PLCB4: variants seen among roughly 807,000 people sequenced by gnomAD.
PLCB4 encodes 1-phosphatidylinositol 4,5-bisphosphate phosphodiesterase beta-4.
In PLCB4, 77 loss-of-function variants were observed where a neutral mutation model predicts 178.8. The ratio of observed to expected loss-of-function variants is 0.43; its 90% CI spans 0.36 to 0.52. The LOEUF (loss-of-function observed/expected upper bound fraction) is 0.52, where lower values mean the gene tolerates loss of function less well. Among genes scored for constraint, PLCB4 ranks in the 20% least tolerant of loss-of-function variants. The probability of loss-of-function intolerance (pLI) is 0.00; values close to 1 mark genes in which losing one functional copy is unlikely to be tolerated. For missense variants in PLCB4, 1,024 were observed against 1,453.4 expected, an observed-to-expected ratio of 0.70 and a Z score of 4.80; for synonymous variants, 496 against 490.8, an observed-to-expected ratio of 1.01 and a Z score of -0.14.
chr20:9,267,950 G>T (rs2094365541), intron 3 of PLCB4, among the ~76,000 whole-genome samples: 1 of 152,160 alleles, frequency 6.6e-6, no homozygotes, highest in Admixed American at 6.5e-5. Context: ...CAAGGAGGCT[G>T]AGTGTGCTAA....
intron 28 of PLCB4, among the ~76,000 whole-genome samples, chr20:9,424,185 A>G (rs562643444): frequency 6.6e-6 from 1 of 152,356 alleles, no homozygotes; most frequent in South Asian, 2.1e-4. Flanking sequence ...ATTTTAAAAT[A>G]CTATAATTTT....
chr20:9,444,929 A>G lies in PLCB4; in HGVS notation c.2880+686A>G, dbSNP rs184154364. Among the ~76,000 whole-genome samples the G allele has an allele frequency of 5.1e-4, 77 of 152,322 alleles. No homozygotes were observed. In the East Asian group the frequency reaches 0.011, roughly 23 times the overall value. ...CTAGCAATCTGTCAACCTCCCACTC[A>G]CAGCACCTAGAGAGAGAACACTTGT... On this transcript the variant is annotated intron_variant, in intron 32 of 39. Coordinates refer to ENST00000378473, the MANE Select transcript of PLCB4 (RefSeq NM_001377142.1).
chr20:9,255,039 C>T (rs141847698), intron 3 of PLCB4, among the ~76,000 whole-genome samples: 1 of 152,244 alleles, frequency 6.6e-6, no homozygotes, highest in East Asian at 1.9e-4. Context: ...ATAATAAATA[C>T]ACATATCTAG....
At chr20:9,254,710 T>TA (rs960036845) in intron 3 of PLCB4, among the ~76,000 whole-genome samples, 7 of 151,800 alleles carry the variant, frequency 4.6e-5, no homozygotes, top group Admixed American at 2.6e-4. Context: ...AAAATAAAAA[T>TA]AAAAAAAATT....
chr20:9,457,910 G>GA (rs1015998798), intron 34 of PLCB4, among the ~76,000 whole-genome samples: 2 of 152,032 alleles, frequency 1.3e-5, no homozygotes, highest in African/African-American at 4.8e-5. Flanking sequence ...TTTGGAATGA[G>GA]AAAAAATTAA....
intron 28 of PLCB4, among the ~76,000 whole-genome samples, chr20:9,424,588 A>G (rs571262202): frequency 1.6e-4 from 24 of 152,346 alleles, no homozygotes; most frequent in African/African-American, 5.8e-4. Flanking sequence ...CAGCAGGATG[A>G]TGGCATCCGA....
At chr20:9,279,454 C>T (rs1319593258) in intron 3 of PLCB4, among the ~76,000 whole-genome samples, 1 of 151,554 alleles carries the variant, frequency 6.6e-6, no homozygotes, top group Non-Finnish European at 1.5e-5. Flanking sequence ...GACATTTGAG[C>T]CAGACATCAA....
intron 2 of PLCB4, among the ~76,000 whole-genome samples, chr20:9,205,925 A>G (rs2093608835): frequency 6.6e-6 from 1 of 152,174 alleles, no homozygotes; most frequent in East Asian, 1.9e-4. Context: ...AGATGCATTC[A>G]AGTTGTGTTA....
In PLCB4 at chr20:9,384,417, G is replaced by C; in HGVS notation, c.1064+6G>C. On this transcript the variant is annotated splice_donor_region_variant and intron_variant, in intron 14 of 39. Transcript: ENST00000378473. ...GTTCTCCTGGCTGGTTGCAGGTGAGGAACTCAAGATGGCAATTTGTTTTTT... is the reference window on the plus strand; with the variant it reads ...GTTCTCCTGGCTGGTTGCAGGTGAGCAACTCAAGATGGCAATTTGTTTTTT... 1 of 1,607,504 alleles carries C rather than the reference G, an allele frequency of 6.2e-7. No individual in the cohort carries two copies. The highest frequency in any genetic ancestry group is 1.7e-5 in the Admixed American group (1 of 60,018).
intron 2 of PLCB4, among the ~76,000 whole-genome samples, chr20:9,169,752 T>C (rs1600863596): frequency 6.6e-6 from 1 of 152,234 alleles, no homozygotes; most frequent in East Asian, 1.9e-4. Flanking sequence ...TCCACAACAT[T>C]GTTTGTGAAA....
chr20:9,432,263 A>G (rs1162419032), intron 28 of PLCB4, among the ~76,000 whole-genome samples: 1 of 152,184 alleles, frequency 6.6e-6, no homozygotes, highest in Non-Finnish European at 1.5e-5. Flanking sequence ...ATCTTGCTTT[A>G]TTGATTCTTT....
At chr20:9,095,941 C>T (rs1174544683) in intron 1 of PLCB4, among the ~76,000 whole-genome samples, 1 of 152,100 alleles carries the variant, frequency 6.6e-6, no homozygotes, top group African/African-American at 2.4e-5. Context: ...TTTGTTTATA[C>T]ATTTACTTTA....
intron 28 of PLCB4, among the ~76,000 whole-genome samples, chr20:9,433,304 G>T (rs1480807437): frequency 1.3e-5 from 2 of 152,202 alleles, no homozygotes; most frequent in East Asian, 3.8e-4. Flanking sequence ...AAGAGGGATT[G>T]CTTTAGACTA....
At chr20:9,434,976 A>G (rs1472713151) in intron 28 of PLCB4, among the ~76,000 whole-genome samples, 1 of 152,218 alleles carries the variant, frequency 6.6e-6, no homozygotes, top group Non-Finnish European at 1.5e-5. Flanking sequence ...AATATAAAAT[A>G]TTAAATTCTA....
intron 2 of PLCB4, among the ~76,000 whole-genome samples, chr20:9,174,918 C>T (rs936533444): frequency 1.3e-5 from 2 of 152,158 alleles, no homozygotes; most frequent in Non-Finnish European, 2.9e-5. Flanking sequence ...ACAATTTGTC[C>T]GTCTTTGTTT....
At chr20:9,125,748 G>T (rs1402385763) in intron 2 of PLCB4, among the ~76,000 whole-genome samples, 1 of 152,182 alleles carries the variant, frequency 6.6e-6, no homozygotes. Flanking sequence ...CTACCTTCCA[G>T]TGTCTCGTGT....
In PLCB4 at chr20:9,096,360, T is replaced by C. The variant is rs1248312958; in HGVS notation, c.-79+18T>C. 1 of 152,198 alleles carries C rather than the reference T, an allele frequency of 6.6e-6. No individual in the cohort carries two copies. The highest frequency in any genetic ancestry group is 2.4e-5 in the African/African-American group (1 of 41,460). The allele number at this position is 152,198 out of a possible 1,614,324, so 9.4% of individuals were successfully genotyped here. ...TTAAAAAGGTAGGTGTATGTGCTTT[T>C]TAATTTGTGACTAAAAAAATTTTAT... On this transcript the variant is annotated intron_variant, in intron 2 of 39. Transcript: ENST00000378473.
intron 25 of PLCB4, among the ~76,000 whole-genome samples, chr20:9,415,747 T>C (rs2040198030): frequency 6.6e-6 from 1 of 152,202 alleles, no homozygotes; most frequent in Non-Finnish European, 1.5e-5. Context: ...AATGAAGGGC[T>C]CCTGAGAATT....
Position 9,438,290 on chromosome 20 carries a change from C to T in PLCB4, c.2764+1138C>T, listed in dbSNP as rs1243765293. Reference sequence around the variant, plus strand: ...CTGAGGCAGGAGAATGGCGTGAGCCCGGGAGGCGGAGCTTGCAGTGAGCTG... The same window carrying T: ...CTGAGGCAGGAGAATGGCGTGAGCCTGGGAGGCGGAGCTTGCAGTGAGCTG... On this transcript the variant is annotated intron_variant, in intron 30 of 39. Coordinates refer to ENST00000378473, the MANE Select transcript of PLCB4 (RefSeq NM_001377142.1). Among the ~76,000 whole-genome samples, 5 of 151,202 alleles carry T rather than the reference C, an allele frequency of 3.3e-5. No individual in the cohort carries two copies. In the East Asian group the frequency reaches 9.8e-4, roughly 30 times the overall value.
Sources: allele counts gnomAD v4.1 joint callset (sites outside exome capture counted in the v4.1 genomes callset), GRCh38; gene constraint gnomAD v4.1.1; transcripts MANE v1.5; gene names NCBI Gene and HGNC (gene_info 2026-07-23, HGNC 2026-07-21).